The following RBFOX1 variants were observed in gnomAD, a reference collection of about 807,000 sequenced individuals.
RBFOX1 encodes the protein RNA binding protein fox-1 homolog 1.
A neutral mutation model predicts 57.7 loss-of-function variants in RBFOX1; 8 were observed. The ratio of observed to expected loss-of-function variants is 0.14; its 90% CI spans 0.08 to 0.25. The LOEUF is 0.25. Ranked by LOEUF, RBFOX1 falls within the 10% of genes least tolerant of loss-of-function variation. The pLI is 1.00. For synonymous variants in RBFOX1, 326 were observed against 222.4 expected (o/e 1.47, Z -4.15); for missense variants, 611 against 548.5 (o/e 1.11, Z -1.14).
chr16:7,009,964 A>C (rs80265615), intron 3 of RBFOX1, among the ~76,000 whole-genome samples: 2 of 152,192 alleles, frequency 1.3e-5, no homozygotes, highest in East Asian at 3.9e-4. Flanking sequence ...GTCCAAAGCT[A>C]TATTGGGAGG....
intron 14 of RBFOX1, among the ~76,000 whole-genome samples, chr16:7,692,669 C>T (rs534151972): frequency 2.6e-4 from 40 of 152,188 alleles, no homozygotes; most frequent in Middle Eastern, 6.8e-3. Context: ...CAGTTGGAAA[C>T]GTCTTAAGAG....
chr16:7,562,837 G>C (rs1190241353), intron 5 of RBFOX1, among the ~76,000 whole-genome samples: 4 of 152,226 alleles, frequency 2.6e-5, no homozygotes, highest in African/African-American at 9.7e-5. Flanking sequence ...TATGCCCACT[G>C]TAGGTATACT....
intron 3 of RBFOX1, among the ~76,000 whole-genome samples, chr16:6,767,949 A>AGAAGAAGAG (rs2077626284): frequency 1.3e-5 from 1 of 74,480 alleles, no homozygotes; most frequent in African/African-American, 6.6e-5. Flanking sequence ...AATAATAATA[A>AGAAGAAGAG]GAAGAAGAAG....
intron 4 of RBFOX1, among the ~76,000 whole-genome samples, chr16:5,982,612 A>T (rs1230282099): frequency 6.6e-6 from 1 of 152,140 alleles, no homozygotes; most frequent in Non-Finnish European, 1.5e-5. Context: ...CATACCTAGA[A>T]TGCTCATCCA....
chr16:6,010,696 C>G (rs2094956107), intron 4 of RBFOX1, among the ~76,000 whole-genome samples: 1 of 152,216 alleles, frequency 6.6e-6, no homozygotes, highest in African/African-American at 2.4e-5. Flanking sequence ...AAACATGCTT[C>G]ATGGAAGGGA....
chr16:5,486,612 A>G, intron 2 of RBFOX1, among the ~76,000 whole-genome samples: 1 of 152,134 alleles, frequency 6.6e-6, no homozygotes, highest in East Asian at 1.9e-4. Flanking sequence ...GGGACATGCC[A>G]GAACATCTCT....
At chr16:5,322,011 G>A (rs2064423720) in intron 1 of RBFOX1, among the ~76,000 whole-genome samples, 1 of 152,134 alleles carries the variant, frequency 6.6e-6, no homozygotes, top group African/African-American at 2.4e-5. Context: ...AGATACTAGA[G>A]TGTCTCCATC....
intron 3 of RBFOX1, chr16:5,867,209 AC>A (rs1717799603): frequency 1.2e-6 from 1 of 864,594 alleles, no homozygotes; most frequent in South Asian, 6.0e-5. Flanking sequence ...TCGGGTCATA[AC>A]AAATTATTGA....
At chr16:7,288,181 C>G (rs2095688112) in intron 4 of RBFOX1, among the ~76,000 whole-genome samples, 1 of 152,152 alleles carries the variant, frequency 6.6e-6, no homozygotes, top group Non-Finnish European at 1.5e-5. Context: ...GAAGCGGCAC[C>G]TACCTCAACC....
chr16:7,329,411 C>A (rs1415470693), intron 4 of RBFOX1, among the ~76,000 whole-genome samples: 1 of 152,166 alleles, frequency 6.6e-6, no homozygotes, highest in Non-Finnish European at 1.5e-5. Flanking sequence ...ATGTGCACTG[C>A]CACTGGGGAA....
intron 2 of RBFOX1, among the ~76,000 whole-genome samples, chr16:5,593,925 C>G (rs1056782363): frequency 1.3e-5 from 2 of 152,156 alleles, no homozygotes; most frequent in African/African-American, 4.8e-5. Context: ...TTGTCTTACA[C>G]AACCTTGGTC....
intron 3 of RBFOX1, among the ~76,000 whole-genome samples, chr16:5,682,621 A>C (rs925227612): frequency 2.0e-5 from 3 of 152,182 alleles, no homozygotes; most frequent in South Asian, 4.1e-4. Flanking sequence ...AGATCATGCA[A>C]CTGAGTTTCA....
At chr16:7,547,532 T>C (rs1040793214) in intron 5 of RBFOX1, among the ~76,000 whole-genome samples, 3 of 152,184 alleles carry the variant, frequency 2.0e-5, no homozygotes, top group African/African-American at 7.2e-5. Flanking sequence ...CAACATACTT[T>C]ATTGAAGAAA....
chr16:7,414,346 G>T (rs2098458869), intron 4 of RBFOX1, among the ~76,000 whole-genome samples: 1 of 152,208 alleles, frequency 6.6e-6, no homozygotes, highest in Admixed American at 6.5e-5. Flanking sequence ...TAAAAGTAAG[G>T]TAAGAAGATA....
chr16:6,936,964 G>C (rs1314230586), intron 3 of RBFOX1, among the ~76,000 whole-genome samples: 1 of 112,314 alleles, frequency 8.9e-6, no homozygotes, highest in Non-Finnish European at 1.7e-5. Context: ...AGGGGGGAGG[G>C]ATAGCATTGG....
At chr16:7,292,371 T>G (rs1002473847) in intron 4 of RBFOX1, among the ~76,000 whole-genome samples, 6 of 140,380 alleles carry the variant, frequency 4.3e-5, no homozygotes, top group Non-Finnish European at 7.5e-5. Flanking sequence ...ATGTTATATA[T>G]CATATATGAT....
chr16:7,701,116 T>G (rs1251400217), intron 14 of RBFOX1, among the ~76,000 whole-genome samples: 1 of 149,970 alleles, frequency 6.7e-6, no homozygotes. Context: ...TTTCTGAAGT[T>G]AAGCGCTTTA....
At chr16:6,678,944 C>G (rs137982070) in intron 3 of RBFOX1, among the ~76,000 whole-genome samples, 2 of 152,238 alleles carry the variant, frequency 1.3e-5, no homozygotes, top group East Asian at 1.9e-4. Flanking sequence ...ATGTGGCATT[C>G]AGTATAATTG....
chr16:7,476,195 A>G (rs2062668727), intron 4 of RBFOX1, among the ~76,000 whole-genome samples: 1 of 151,842 alleles, frequency 6.6e-6, no homozygotes, highest in South Asian at 2.1e-4. Context: ...CTGGTCTTGA[A>G]CTGCTGGGCT....
Sources: allele counts gnomAD v4.1 joint callset (sites outside exome capture counted in the v4.1 genomes callset), GRCh38; gene constraint gnomAD v4.1.1; transcripts MANE v1.5; gene names NCBI Gene and HGNC (gene_info 2026-07-23, HGNC 2026-07-21).